NCKAP5: variants seen among roughly 807,000 people sequenced by gnomAD.
The protein encoded by NCKAP5 is NCK associated protein 5.
In NCKAP5, 92 loss-of-function variants were observed where a neutral mutation model predicts 167.0. The observed-to-expected ratio is 0.55, with a 90% CI of 0.47 to 0.66. The LOEUF is 0.66. Ranked by LOEUF, NCKAP5 falls within the 30% of genes least tolerant of loss-of-function variation. The pLI, the probability that NCKAP5 is intolerant of heterozygous loss-of-function variation, is 0.00. For synonymous variants in NCKAP5, 891 were observed against 877.4 expected, an observed-to-expected ratio of 1.02 and a Z score of -0.27; for missense variants, 2,378 against 2,315.0, an observed-to-expected ratio of 1.03 and a Z score of -0.56.
chr2:132,863,448 TAAAAA>T (rs58404202), intron 10 of NCKAP5, among the ~76,000 whole-genome samples: 2 of 127,788 alleles, frequency 1.6e-5, no homozygotes, highest in Non-Finnish European at 1.7e-5. Context: ...TTCAGATGGG[TAAAAA>T]AAAAAAAAAA....
the NCKAP5 span, among the ~76,000 whole-genome samples, chr2:133,613,221 T>C: frequency 6.6e-6 from 1 of 152,194 alleles, no homozygotes; most frequent in Non-Finnish European, 1.5e-5. Flanking sequence ...ATTGATAGAA[T>C]TATTTTCTTG....
chr2:133,548,006 G>A (rs1234991118), intron 2 of NCKAP5, among the ~76,000 whole-genome samples: 4 of 146,968 alleles, frequency 2.7e-5, no homozygotes, highest in Non-Finnish European at 6.0e-5. Context: ...TGTATGACTA[G>A]AATAACCAAT....
intron 3 of NCKAP5, among the ~76,000 whole-genome samples, chr2:133,450,834 G>T (rs1478445902): frequency 6.6e-6 from 1 of 152,116 alleles, no homozygotes; most frequent in African/African-American, 2.4e-5. Flanking sequence ...TTAGTATCCA[G>T]ACTACAGTTC....
intron 3 of NCKAP5, among the ~76,000 whole-genome samples, chr2:133,336,901 G>C (rs1574734711): frequency 6.6e-6 from 1 of 152,186 alleles, no homozygotes; most frequent in African/African-American, 2.4e-5. Flanking sequence ...ACTGCCACAG[G>C]AACAGAAGGG....
intron 11 of NCKAP5, among the ~76,000 whole-genome samples, chr2:132,855,470 G>T (rs1689392644): frequency 6.6e-6 from 1 of 152,198 alleles, no homozygotes; most frequent in Admixed American, 6.5e-5. Flanking sequence ...AGGACTGGAG[G>T]CGCCTCCATG....
intron 11 of NCKAP5, among the ~76,000 whole-genome samples, chr2:132,817,775 C>A (rs1686390863): frequency 6.6e-6 from 1 of 152,170 alleles, no homozygotes; most frequent in Non-Finnish European, 1.5e-5. Flanking sequence ...TCACCCACAA[C>A]TGACCATACA....
chr2:133,663,836 T>C, the NCKAP5 span, among the ~76,000 whole-genome samples: 1 of 152,212 alleles, frequency 6.6e-6, no homozygotes, highest in East Asian at 1.9e-4. Context: ...CTCCTGTTAA[T>C]GATGATATTT....
rs186334437 is a variant in NCKAP5, at chr2:132,907,763, T to A, written c.580-28847A>T. On this transcript the variant is annotated intron_variant, in intron 8 of 19. Transcript: ENST00000409261. ...AGCTCAGTCTCCCGGGTTCACGCCA[T>A]TCTCCTGCCTCAGCCTCCCGAGTAG... Among the ~76,000 whole-genome samples, 262 of 152,246 alleles carry A rather than the reference T, an allele frequency of 1.7e-3. 1 individual carries two copies. Among genetic ancestry groups the A allele is most frequent in the Middle Eastern group, 3.4e-3 (1 of 294 alleles).
chr2:132,808,453 G>A (rs1685606335), intron 11 of NCKAP5, among the ~76,000 whole-genome samples: 1 of 152,052 alleles, frequency 6.6e-6, no homozygotes, highest in South Asian at 2.1e-4. Context: ...TTAATGGTCT[G>A]TTCAGGGTAT....
chr2:132,863,850 C>T (rs1275480378), intron 10 of NCKAP5, among the ~76,000 whole-genome samples: 3 of 152,124 alleles, frequency 2.0e-5, no homozygotes, highest in Non-Finnish European at 4.4e-5. Context: ...ACAAAAACAC[C>T]CATGTGCCCA....
intron 6 of NCKAP5, among the ~76,000 whole-genome samples, chr2:133,084,866 C>A: frequency 1.3e-5 from 2 of 152,128 alleles, no homozygotes; most frequent in Non-Finnish European, 1.5e-5. Context: ...GACTTCATCG[C>A]CTTAAGTGGA....
chr2:132,991,903 T>C (rs951715463), intron 7 of NCKAP5, among the ~76,000 whole-genome samples: 2 of 152,224 alleles, frequency 1.3e-5, no homozygotes, highest in Non-Finnish European at 2.9e-5. Flanking sequence ...ACATCATGCA[T>C]AAACTATTTT....
At chr2:133,047,725 A>G (rs949917933) in intron 6 of NCKAP5, among the ~76,000 whole-genome samples, 1 of 152,220 alleles carries the variant, frequency 6.6e-6, no homozygotes, top group African/African-American at 2.4e-5. Flanking sequence ...TGGCTGAACT[A>G]GCTTGTTTTC....
intron 19 of NCKAP5, among the ~76,000 whole-genome samples, chr2:132,700,926 TGGGC>T (rs201984993): frequency 0.19 from 4,534 of 23,682 alleles, 264 homozygotes; most frequent in African/African-American, 0.42. Flanking sequence ...TACAATCCCC[TGGGC>T]GGGGGGGGGG....
the NCKAP5 span, among the ~76,000 whole-genome samples, chr2:133,662,002 C>T: frequency 1.3e-5 from 2 of 152,102 alleles, no homozygotes; most frequent in Non-Finnish European, 2.9e-5. Context: ...GGGTTCAGAT[C>T]CCAGATCCTT....
At chr2:133,607,528 T>C in the NCKAP5 span, among the ~76,000 whole-genome samples, 1 of 152,118 alleles carries the variant, frequency 6.6e-6, no homozygotes, top group Non-Finnish European at 1.5e-5. Flanking sequence ...CAACACTGGA[T>C]TAAGATTTGG....
chr2:132,782,545 AG>A lies in NCKAP5; in HGVS notation c.4265del (p.Pro1422LeufsTer24). The A allele has an allele frequency of 1.3e-6, 2 of 1,590,860 alleles. No individual in the cohort carries two copies. Among genetic ancestry groups the A allele is most frequent in the Non-Finnish European group, 1.7e-6 (2 of 1,169,044 alleles). ...TCCTCCCTGGGCTCTGCAGGGCTTC[AG>A]GGCAGTCTGTTGGGGTGGGTGGGCA... is the stretch of plus-strand genomic sequence containing the variant. ...RSCPPTPTDCPEALQSPGRTQ... is the reference protein window; with the variant it reads ...RSCPPTPTDCXEALQSPGRTQ... On this transcript the variant is annotated frameshift_variant, in exon 14 of 20. Transcript: ENST00000409261. LOFTEE classifies it high-confidence loss of function.
intron 19 of NCKAP5, among the ~76,000 whole-genome samples, chr2:132,725,414 A>G (rs1210577572): frequency 6.6e-6 from 1 of 152,248 alleles, no homozygotes; most frequent in East Asian, 1.9e-4. Context: ...TAAAATCCTT[A>G]CAGACTGCAC....
chr2:133,348,547 A>G (rs1167582491), intron 3 of NCKAP5, among the ~76,000 whole-genome samples: 1 of 152,120 alleles, frequency 6.6e-6, no homozygotes, highest in African/African-American at 2.4e-5. Context: ...TCACATCCCC[A>G]AAGGCCCTAC....
Sources: gnomAD v4.1 joint callset for allele counts (sites outside exome capture counted in the v4.1 genomes callset) on GRCh38, gnomAD v4.1.1 for gene constraint, MANE v1.5 for transcripts, NCBI Gene and HGNC (gene_info 2026-07-23, HGNC 2026-07-21) for gene names.